Variants in MSI2 observed in about 807,000 individuals in gnomAD.
MSI2 encodes the protein musashi RNA binding protein 2.
In MSI2, 17 loss-of-function variants were observed where a neutral mutation model predicts 45.6. The ratio of observed to expected loss-of-function variants is 0.37; its 90% CI spans 0.26 to 0.56. MSI2 has a LOEUF of 0.56. Among genes scored for constraint, MSI2 ranks in the 20% least tolerant of loss-of-function variants. MSI2 has a pLI of 0.77. For synonymous variants in MSI2, 156 were observed against 158.2 expected, an observed-to-expected ratio of 0.99 and a Z score of 0.11; for missense variants, 293 against 444.2, an observed-to-expected ratio of 0.66 and a Z score of 3.06.
chr17:57,675,302 G>T (rs1567972481), intron 12 of MSI2, among the ~76,000 whole-genome samples, 176 bp downstream of exon 12: 1 of 152,166 alleles, frequency 6.6e-6, no homozygotes, highest in Non-Finnish European at 1.5e-5. Flanking sequence ...GGTGTCCTGG[G>T]TGCCTCTCGT....
chr17:57,488,887 G>C (rs1260018269), intron 6 of MSI2, among the ~76,000 whole-genome samples: 1 of 152,062 alleles, frequency 6.6e-6, no homozygotes, highest in Non-Finnish European at 1.5e-5. Context: ...GCGGTGTGCA[G>C]ACACGATAAG....
chr17:57,586,571 G>A (rs934502915), intron 7 of MSI2, among the ~76,000 whole-genome samples: 4 of 152,142 alleles, frequency 2.6e-5, no homozygotes, highest in African/African-American at 7.2e-5. Context: ...TTGCTTTCGC[G>A]TAAGGATTTG....
At position 57,554,686 on chromosome 17, in the gene MSI2, T is replaced by C. The variant is rs78599949; in HGVS notation, c.454+24962T>C. 4.4e-3 allele frequency among the ~76,000 whole-genome samples: 676 copies of C among 152,380 alleles called. 2 individuals are homozygous for C. The highest frequency in any genetic ancestry group is 0.015 in the African/African-American group (642 of 41,598). ...TCTTTTGCTTTATCTCATTTCACCT[T>C]CAGGCTGACCCTGTGTGGTGTAGCT... On this transcript the variant is annotated intron_variant, in intron 7 of 13. Transcript: ENST00000284073.
At chr17:57,606,202 T>G (rs1906560774) in intron 8 of MSI2, 1 of 152,512 alleles carries the variant, frequency 6.6e-6, no homozygotes, top group Admixed American at 6.5e-5. Flanking sequence ...CATTCTGGGA[T>G]TTCAGTGAAC....
chr17:57,470,808 C>A (rs528120544), intron 6 of MSI2, among the ~76,000 whole-genome samples: 47 of 152,344 alleles, frequency 3.1e-4, no homozygotes, highest in African/African-American at 1.1e-3. Flanking sequence ...TGCCTGGGTT[C>A]AAATCCTGGC....
the MSI2 span, among the ~76,000 whole-genome samples, chr17:57,699,409 C>T: frequency 6.6e-6 from 1 of 151,952 alleles, no homozygotes; most frequent in Admixed American, 6.5e-5. Context: ...CTCACCTTCT[C>T]ATGCCATCCT....
At chr17:57,373,239 A>AG (rs397789555) in intron 5 of MSI2, among the ~76,000 whole-genome samples, 7 of 151,148 alleles carry the variant, frequency 4.6e-5, no homozygotes, top group African/African-American at 1.7e-4. Context: ...AAAAAAAAAA[A>AG]TCACCAAATA....
chr17:57,618,629 C>T (rs999730262), intron 9 of MSI2, among the ~76,000 whole-genome samples: 7 of 152,150 alleles, frequency 4.6e-5, no homozygotes, highest in Admixed American at 2.6e-4. Context: ...CTGCAACCTC[C>T]GCCTCCTGGG....
chr17:57,462,980 A>T (rs1425859977), intron 6 of MSI2, among the ~76,000 whole-genome samples: 1 of 152,226 alleles, frequency 6.6e-6, no homozygotes, highest in Non-Finnish European at 1.5e-5. Context: ...TCCCGCTTGG[A>T]TGTCAGTGGA....
chr17:57,579,478 T>C (rs1042029833), intron 7 of MSI2, among the ~76,000 whole-genome samples: 1 of 152,198 alleles, frequency 6.6e-6, no homozygotes, highest in African/African-American at 2.4e-5. Context: ...GGCAGACGCA[T>C]CTGCCTCCAG....
chr17:57,428,056 G>T (rs1363873174), intron 6 of MSI2, among the ~76,000 whole-genome samples: 3 of 152,198 alleles, frequency 2.0e-5, no homozygotes, highest in African/African-American at 7.2e-5. Context: ...GAGAAAGTCA[G>T]CAAGAAAACG....
chr17:57,316,458 G>A (rs1289361789), intron 5 of MSI2, among the ~76,000 whole-genome samples: 1 of 151,864 alleles, frequency 6.6e-6, no homozygotes, highest in East Asian at 1.9e-4. Context: ...CCAAGTAGCT[G>A]GGACCACAGG....
chr17:57,283,204 C>T (rs953006951), intron 5 of MSI2, among the ~76,000 whole-genome samples: 1 of 152,118 alleles, frequency 6.6e-6, no homozygotes, highest in African/African-American at 2.4e-5. Context: ...CTCACCGGGA[C>T]TTCTAGAAAA....
chr17:57,293,216 G>A (rs1257548019), intron 5 of MSI2, among the ~76,000 whole-genome samples: 1 of 152,190 alleles, frequency 6.6e-6, no homozygotes, highest in Non-Finnish European at 1.5e-5. Flanking sequence ...CAGAGCCTGG[G>A]GCCACAGGGG....
chr17:57,618,687 G>A (rs1343163252), intron 9 of MSI2, among the ~76,000 whole-genome samples: 1 of 152,136 alleles, frequency 6.6e-6, no homozygotes, highest in Non-Finnish European at 1.5e-5. Flanking sequence ...GGGATTACAG[G>A]CGCGCGCCAC....
Position 57,652,473 on chromosome 17 carries a change from C to T in MSI2, c.790+312C>T, listed in dbSNP as rs184099654. On this transcript the variant is annotated intron_variant, in intron 11 of 13. Coordinates refer to ENST00000284073, the MANE Select transcript of MSI2 (RefSeq NM_138962.4). The surrounding 1 kb of genome is among the most constrained non-coding windows in gnomAD (Gnocchi z 4.1). ...CATCCCGTCACCTGACAGCTAGCTT[C>T]GGGTACCTGTGGTCATTTCCCTCCT... is the stretch of plus-strand genomic sequence containing the variant. 8.2e-3 allele frequency among the ~76,000 whole-genome samples: 1,244 copies of T among 152,260 alleles called. 9 individuals are homozygous for T. Among genetic ancestry groups the T allele is most frequent in the Non-Finnish European group, 0.013 (864 of 68,010 alleles).
chr17:57,345,818 C>A (rs1413445055), intron 5 of MSI2, among the ~76,000 whole-genome samples: 253 of 121,106 alleles, frequency 2.1e-3, no homozygotes, highest in South Asian at 2.9e-3. Flanking sequence ...GACTCCGTCT[C>A]AAAAAAAAAA....
At chr17:57,691,906 T>C in the MSI2 span, among the ~76,000 whole-genome samples, 1 of 152,200 alleles carries the variant, frequency 6.6e-6, no homozygotes, top group Non-Finnish European at 1.5e-5. Flanking sequence ...CCCTGACTCA[T>C]TCCCTATCTT....
chr17:57,287,171 AC>A (rs1399334704), intron 5 of MSI2, among the ~76,000 whole-genome samples: 1 of 147,336 alleles, frequency 6.8e-6, no homozygotes, highest in South Asian at 2.2e-4. Flanking sequence ...TTATAATAGG[AC>A]CCTTTCTGAG....
Sources: gnomAD v4.1 joint callset for allele counts (sites outside exome capture counted in the v4.1 genomes callset) on GRCh38, gnomAD v4.1.1 for gene constraint, Gnocchi (gnomAD v3.1) non-coding constraint, MANE v1.5 for transcripts, NCBI Gene and HGNC (gene_info 2026-07-23, HGNC 2026-07-21) for gene names.